The following MAGED1 variants were observed in gnomAD, a reference collection of about 807,000 sequenced individuals.
MAGED1 encodes melanoma-associated antigen D1.
Under a neutral mutation model 54.1 loss-of-function variants are expected in MAGED1, and 3 were observed. The ratio of observed to expected loss-of-function variants is 0.06; its 90% CI spans 0.03 to 0.14. The LOEUF is 0.14. Among genes scored for constraint, MAGED1 ranks in the 10% least tolerant of loss-of-function variants. The pLI, the probability that MAGED1 is intolerant of heterozygous loss-of-function variation, is 1.00. For missense variants in MAGED1, 485 were observed against 623.4 expected, an observed-to-expected ratio of 0.78 and a Z score of 2.36; for synonymous variants, 217 against 227.3, an observed-to-expected ratio of 0.95 and a Z score of 0.41.
intron 11 of MAGED1, among the ~76,000 whole-genome samples, 158 bp downstream of exon 11, chrX:51,900,454 T>C (rs1928964327): frequency 9.0e-6 from 1 of 111,396 alleles, no homozygotes. Context: ...TAACATGTAT[T>C]AGGTGCTAAC....
intron 2 of MAGED1, 96 bp from the exon 3 acceptor site, chrX:51,894,957 G>A: frequency 1.1e-6 from 1 of 922,753 alleles, no homozygotes; most frequent in Non-Finnish European, 1.5e-6. Context: ...CCCGCCTGCA[G>A]CTCCGCTGCT....
chrX:51,831,363 G>C (rs1926058929), intron 1 of MAGED1, among the ~76,000 whole-genome samples: 1 of 112,075 alleles, frequency 8.9e-6, no homozygotes, highest in Non-Finnish European at 1.9e-5. Flanking sequence ...TATAATCCCA[G>C]CACTTGGGGA....
At chrX:51,806,098 C>T (rs1025029925) in intron 1 of MAGED1, among the ~76,000 whole-genome samples, 5 of 105,450 alleles carry the variant, frequency 4.7e-5, no homozygotes, top group South Asian at 4.4e-4. Context: ...CTCAGGCTCC[C>T]GAGTAGCTGG....
chrX:51,806,542 A>G (rs1602202524), intron 1 of MAGED1, among the ~76,000 whole-genome samples: 1 of 111,399 alleles, frequency 9.0e-6, no homozygotes, highest in African/African-American at 3.3e-5. Context: ...TTGCTATTCC[A>G]TTGTATGAAT....
rs188964519 is a variant in MAGED1, at chrX:51,871,271, T to C, written c.-36-22998T>C. On this transcript the variant is annotated intron_variant, in intron 1 of 12. Coordinates refer to the MAGED1 transcript ENST00000375772. ...TCTCAAGGGAATATTTTGGGCATAA[T>C]CTTTTTTTTTTTTTTAATTATACTA... Among the ~76,000 whole-genome samples, 27 of 109,999 alleles carry C rather than the reference T, an allele frequency of 2.5e-4. No individual in the cohort carries two copies. The East Asian group carries it at 6.9e-3, about 28-fold the overall frequency.
chrX:51,883,398 G>A (rs1378479012), intron 1 of MAGED1, among the ~76,000 whole-genome samples: 2 of 111,683 alleles, frequency 1.8e-5, no homozygotes, highest in Admixed American at 1.9e-4. Flanking sequence ...AGTGGTACTG[G>A]TAAAAGCTGG....
intron 1 of MAGED1, among the ~76,000 whole-genome samples, chrX:51,885,661 G>T (rs1557362756): frequency 9.0e-6 from 1 of 110,693 alleles, no homozygotes; most frequent in Admixed American, 9.7e-5. Context: ...AAAAATCTTT[G>T]CCCAAACCAA....
At chrX:51,829,541 A>C (rs1392058535) in intron 1 of MAGED1, among the ~76,000 whole-genome samples, 3 of 111,087 alleles carry the variant, frequency 2.7e-5, no homozygotes, top group Non-Finnish European at 5.7e-5. Flanking sequence ...TTAAAAAAAA[A>C]AATTAGGGGA....
chrX:51,847,193 A>G (rs1302999126), intron 1 of MAGED1, among the ~76,000 whole-genome samples: 3 of 111,681 alleles, frequency 2.7e-5, no homozygotes, highest in Non-Finnish European at 5.6e-5. Context: ...AAGTGTACAA[A>G]TACACCTTCA....
chrX:51,852,560 A>G (rs992494434), intron 1 of MAGED1, among the ~76,000 whole-genome samples: 2 of 112,356 alleles, frequency 1.8e-5, no homozygotes, highest in Non-Finnish European at 3.8e-5. Flanking sequence ...CCAAGGAAAG[A>G]TTTGTATTAA....
At chrX:51,855,969 G>A (rs1405015402) in intron 1 of MAGED1, among the ~76,000 whole-genome samples, 6 of 111,857 alleles carry the variant, frequency 5.4e-5, no homozygotes, top group South Asian at 3.8e-4. Flanking sequence ...GTGTAGTCAC[G>A]TTCTGAGGTA....
chrX:51,879,022 A>T (rs1927968058), intron 1 of MAGED1, among the ~76,000 whole-genome samples: 1 of 111,778 alleles, frequency 8.9e-6, no homozygotes, highest in Non-Finnish European at 1.9e-5. Flanking sequence ...ATATTAATAC[A>T]TCATCTTTTT....
chrX:51,889,025 T>G (rs1557363072), upstream of MAGED1, among the ~76,000 whole-genome samples: 1 of 111,371 alleles, frequency 9.0e-6, no homozygotes, highest in Non-Finnish European at 1.9e-5. Context: ...GAAATCTTTG[T>G]GGTGATGAAA....
intron 3 of MAGED1, 49 bp downstream of exon 3, chrX:51,895,809 C>T (rs1928726908): frequency 1.0e-6 from 1 of 971,559 alleles, no homozygotes; most frequent in Admixed American, 3.0e-5. Context: ...CTCCTTTCTT[C>T]TCTGAGGGTG....
intron 2 of MAGED1, chrX:51,894,656 C>A (rs1928624228): frequency 8.4e-7 from 1 of 1,187,579 alleles, no homozygotes; most frequent in Non-Finnish European, 1.1e-6. Context: ...CAGTCTGTCA[C>A]CCCCTCCCCC....
chrX:51,875,089 G>A (rs1187496467), intron 1 of MAGED1, among the ~76,000 whole-genome samples: 2 of 111,043 alleles, frequency 1.8e-5, no homozygotes, highest in Admixed American at 1.9e-4. Flanking sequence ...CCATGCCAAT[G>A]AATTAGGAAG....
Position 51,869,531 on chromosome X carries a change from T to C in MAGED1, c.-36-24738T>C, listed in dbSNP as rs782586544. On this transcript the variant is annotated intron_variant, in intron 1 of 12. Transcript: ENST00000375772. ...GAACCACTGCCCTTGGCCTGGAAGATCTCCATTTTTATGATTTTTTTTCAT... is the reference window on the plus strand; with the variant it reads ...GAACCACTGCCCTTGGCCTGGAAGACCTCCATTTTTATGATTTTTTTTCAT... Among the ~76,000 whole-genome samples, 5 of 110,993 alleles carry C rather than the reference T, an allele frequency of 4.5e-5. No homozygotes were observed. The East Asian group carries it at 1.4e-3, about 31-fold the overall frequency.
chrX:51,838,557 A>T, intron 1 of MAGED1, among the ~76,000 whole-genome samples: 1 of 112,396 alleles, frequency 8.9e-6, no homozygotes, highest in Non-Finnish European at 1.9e-5. Context: ...GTTTTTTAAA[A>T]TTTTTTCATA....
intron 1 of MAGED1, among the ~76,000 whole-genome samples, chrX:51,848,467 C>T (rs1219534828): frequency 9.0e-6 from 1 of 111,284 alleles, no homozygotes; most frequent in Non-Finnish European, 1.9e-5. Flanking sequence ...TGTTGTCAGC[C>T]AGGGAAGCAT....
Sources: allele counts gnomAD v4.1 joint callset (sites outside exome capture counted in the v4.1 genomes callset), GRCh38; gene constraint gnomAD v4.1.1; transcripts MANE v1.5; gene names NCBI Gene and HGNC (gene_info 2026-07-23, HGNC 2026-07-21).